The following TTC39A variants were observed in gnomAD, a reference collection of about 807,000 sequenced individuals.
The protein encoded by TTC39A is tetratricopeptide repeat protein 39A.
TTC39A carries 46 observed loss-of-function variants against 82.3 expected under a neutral mutation model. That is an observed-to-expected ratio of 0.56 (90% CI 0.44 to 0.71). TTC39A has a LOEUF of 0.71. TTC39A is among the 30% of genes least tolerant of loss of function. The pLI is 0.00. For missense variants in TTC39A, 543 were observed against 712.9 expected (o/e 0.76, Z 2.71); for synonymous variants, 254 against 275.2 (o/e 0.92, Z 0.76).
chr1:51,339,747 A>T (rs192788499), intron 1 of TTC39A, among the ~76,000 whole-genome samples: 1 of 152,326 alleles, frequency 6.6e-6, no homozygotes, highest in East Asian at 1.9e-4. Flanking sequence ...AACATGGTGA[A>T]ACCCCATCTC....
Position 51,288,458 on chromosome 1 carries a change from A to G in TTC39A, c.1611-178T>C, listed in dbSNP as rs1644074009. On this transcript the variant is annotated intron_variant, in intron 17 of 17. Coordinates refer to ENST00000680483, the MANE Select transcript of TTC39A (RefSeq NM_001297663.2). The surrounding 1 kb of genome is among the most constrained non-coding windows in gnomAD (Gnocchi z 4.8). The stretch of plus-strand genomic sequence containing the variant: ...TAACCAGAAGGGTTTGTGGCCCCTC[A>G]TCCCTGGTATCATGGCCACTGGAAC... 6.6e-6 allele frequency among the ~76,000 whole-genome samples: 1 copy of G among 152,128 alleles called. No individual in the cohort carries two copies. Among genetic ancestry groups the G allele is most frequent in the Non-Finnish European group, 1.5e-5 (1 of 68,016 alleles).
intron 1 of TTC39A, among the ~76,000 whole-genome samples, chr1:51,328,777 G>T (rs1041540004): frequency 6.6e-6 from 1 of 152,156 alleles, no homozygotes; most frequent in Non-Finnish European, 1.5e-5. Context: ...TTTTCTGAAG[G>T]CTTAAAATAT....
chr1:51,342,900 C>T, intron 1 of TTC39A: 1 of 382,514 alleles, frequency 2.6e-6, no homozygotes. Flanking sequence ...GTCTACCTCC[C>T]ATTCCCTCCA....
upstream of TTC39A, chr1:51,331,398 G>A (rs1570015970): frequency 6.8e-7 from 1 of 1,461,560 alleles, no homozygotes; most frequent in East Asian, 2.5e-5. Flanking sequence ...CCTGGCCCCA[G>A]ATGCTGCTCT....
At position 51,330,501 on chromosome 1, in the gene TTC39A, G is replaced by T. The variant is rs1275764435; in HGVS notation, c.-24C>A. The T allele has an allele frequency of 2.0e-6, 2 of 983,578 alleles. No homozygotes were observed. Among genetic ancestry groups the T allele is most frequent in the Non-Finnish European group, 2.4e-6 (2 of 830,196 alleles). The allele number at this position is 983,578 out of a possible 1,614,324, so 60.9% of individuals were successfully genotyped here. A position where few individuals can be genotyped will look rare whatever the true frequency, so the allele number is the denominator to read the frequency against. On this transcript the variant is annotated 5_prime_UTR_variant, in exon 1 of 18. Transcript: ENST00000680483. This position sits in a 1 kb window ranked among gnomAD's most constrained non-coding sequence, Gnocchi z 4.5. ...ATCGCCGAGGGGCGCGGGCGGCGCT[G>T]CCCCAGCCGGACGCCAATCGCGGCC... is the stretch of plus-strand genomic sequence containing the variant.
At chr1:51,319,828 T>TTACA (rs1405660035) in intron 2 of TTC39A, among the ~76,000 whole-genome samples, 1 of 151,896 alleles carries the variant, frequency 6.6e-6, no homozygotes, top group African/African-American at 2.4e-5. Flanking sequence ...GTAGCTGGCA[T>TTACA]TACAGGCACT....
chr1:51,296,632 AAAG>A (rs1569795656), intron 12 of TTC39A, among the ~76,000 whole-genome samples: 4 of 152,354 alleles, frequency 2.6e-5, no homozygotes, highest in South Asian at 4.1e-4. Flanking sequence ...CGGGCTGTAA[AAAG>A]AAGAGGCTTG....
intron 12 of TTC39A, among the ~76,000 whole-genome samples, chr1:51,296,502 CT>C (rs1311826790): frequency 2.6e-5 from 4 of 152,236 alleles, no homozygotes; most frequent in Non-Finnish European, 5.9e-5. Context: ...CAGTGGGCCC[CT>C]GAAGGGCAAT....
rs183109532 is a variant in TTC39A, at chr1:51,291,519, T to C, written c.1267-894A>G. Among the ~76,000 whole-genome samples, 512 of 146,238 alleles carry C rather than the reference T, an allele frequency of 3.5e-3. 2 individuals carry two copies. Among genetic ancestry groups the C allele is most frequent in the African/African-American group, 0.013 (505 of 39,136 alleles). On this transcript the variant is annotated intron_variant, in intron 14 of 17. Transcript: ENST00000680483. ...AAGTCTTGGGGCCAGGTATGGTGGC[T>C]CACACCTGTAATCCCAGCACTTTGG... is the stretch of plus-strand genomic sequence containing the variant.
At chr1:51,338,346 C>G (rs1319948071) in intron 1 of TTC39A, among the ~76,000 whole-genome samples, 1 of 152,064 alleles carries the variant, frequency 6.6e-6, no homozygotes, top group African/African-American at 2.4e-5. Context: ...GCAAGGCTTC[C>G]CTGGTCAGAG....
chr1:51,305,162 C>T lies in TTC39A; in HGVS notation c.589-16G>A, dbSNP rs1025437234. ...TGGACAGTGTCTGCAAGAAAGGAGG[C>T]AATCAAGCCTGTGAAGGTACCCAGA... is the stretch of plus-strand genomic sequence containing the variant. On this transcript the variant is annotated splice_polypyrimidine_tract_variant and intron_variant, in intron 7 of 17. Coordinates refer to ENST00000680483, the MANE Select transcript of TTC39A (RefSeq NM_001297663.2). 7.4e-6 allele frequency: 12 copies of T among 1,612,652 alleles called. No individual in the cohort carries two copies. The Admixed American group carries it at 8.3e-5, about 11-fold the overall frequency.
At chr1:51,331,508 A>G (rs183393277), upstream of TTC39A, 33 of 985,450 alleles carry the variant, frequency 3.3e-5, 1 homozygote, top group East Asian at 3.4e-3. Context: ...TGGAGCAACT[A>G]TGACCTCCAG....
intron 1 of TTC39A, among the ~76,000 whole-genome samples, chr1:51,340,819 G>A (rs529832828): frequency 1.3e-5 from 2 of 152,168 alleles, no homozygotes; most frequent in Non-Finnish European, 2.9e-5. Flanking sequence ...ACTGAGGCAC[G>A]AGAAGCTAAA....
At chr1:51,301,958 T>G (rs926676576) in intron 11 of TTC39A, 2 of 656,992 alleles carry the variant, frequency 3.0e-6, no homozygotes, top group Non-Finnish European at 2.7e-6. Context: ...AGCCCCCGCC[T>G]AGGACTCTGG....
upstream of TTC39A, among the ~76,000 whole-genome samples, chr1:51,333,862 C>T (rs1485891651): frequency 6.6e-6 from 1 of 152,208 alleles, no homozygotes; most frequent in African/African-American, 2.4e-5. Flanking sequence ...CGGGGCCTAG[C>T]ACTTTACAAT....
At chr1:51,335,757 G>C (rs575177459), upstream of TTC39A, among the ~76,000 whole-genome samples, 101 of 152,076 alleles carry the variant, frequency 6.6e-4, no homozygotes, top group Non-Finnish European at 1.3e-3. Context: ...AGAGAAGAAA[G>C]GAGGGGTGTT....
intron 2 of TTC39A, among the ~76,000 whole-genome samples, chr1:51,318,506 C>G (rs190138354): frequency 6.6e-6 from 1 of 152,166 alleles, no homozygotes. Context: ...CACCCCACCC[C>G]AGAAGCTGGG....
At position 51,341,615 on chromosome 1, in the gene TTC39A, A is replaced by G. The variant is rs545634620; in HGVS notation, c.53+3376T>C. 3.3e-5 allele frequency among the ~76,000 whole-genome samples: 5 copies of G among 152,202 alleles called. No homozygotes were observed. In the South Asian group the frequency reaches 8.3e-4, roughly 25 times the overall value. Reference sequence around the variant, plus strand: ...GGGATTGAGGATCTGAGGGACCACAATGTGCCTCTCACACTAGAGCCCTCT... The same window carrying G: ...GGGATTGAGGATCTGAGGGACCACAGTGTGCCTCTCACACTAGAGCCCTCT... On this transcript the variant is annotated intron_variant, in intron 1 of 5. Coordinates refer to the TTC39A transcript ENST00000401051.
chr1:51,313,171 C>T (rs977082567), intron 2 of TTC39A, among the ~76,000 whole-genome samples: 1 of 152,190 alleles, frequency 6.6e-6, no homozygotes, highest in Non-Finnish European at 1.5e-5. Context: ...AAGTGATCTA[C>T]CAGATTTGAG....
Sources: gnomAD v4.1 joint callset for allele counts (sites outside exome capture counted in the v4.1 genomes callset) on GRCh38, gnomAD v4.1.1 for gene constraint, Gnocchi (gnomAD v3.1) non-coding constraint, MANE v1.5 for transcripts, NCBI Gene and HGNC (gene_info 2026-07-23, HGNC 2026-07-21) for gene names.